Variants in DNAH6 observed in about 807,000 individuals in gnomAD.
DNAH6 encodes dynein axonemal heavy chain 6, also known as axonemal beta dynein heavy chain 6.
Under a neutral mutation model 491.4 loss-of-function variants are expected in DNAH6, and 340 were observed. The ratio of observed to expected loss-of-function variants is 0.69; its 90% confidence interval spans 0.63 to 0.76. The LOEUF is 0.76. DNAH6 is among the 30% of genes least tolerant of loss of function. The probability of loss-of-function intolerance (pLI) is 0.00; values close to 1 mark genes in which losing one functional copy is unlikely to be tolerated. For synonymous variants in DNAH6, 1,603 were observed against 1,686.1 expected (o/e 0.95, Z 1.21); for missense variants, 4,443 against 4,972.2 (o/e 0.89, Z 3.20).
At chr2:84,491,415 A>T in the DNAH6 span, among the ~76,000 whole-genome samples, 2 of 152,140 alleles carry the variant, frequency 1.3e-5, no homozygotes, top group Admixed American at 6.6e-5. Context: ...CAGGGAATGG[A>T]TCATGACTGT....
intron 42 of DNAH6, among the ~76,000 whole-genome samples, chr2:84,684,772 T>C (rs1196956498): frequency 1.3e-5 from 2 of 152,228 alleles, no homozygotes; most frequent in African/African-American, 4.8e-5. Context: ...TGTACATTGT[T>C]GCTTTGATTG....
intron 18 of DNAH6, among the ~76,000 whole-genome samples, chr2:84,598,212 G>A (rs1033380671): frequency 2.2e-5 from 1 of 44,648 alleles, no homozygotes; most frequent in Non-Finnish European, 5.8e-5. Flanking sequence ...TTCTTTCTAT[G>A]AGACAGGATC....
chr2:84,710,449 A>G, intron 56 of DNAH6, 37 bp downstream of exon 56: 1 of 1,547,494 alleles, frequency 6.5e-7, no homozygotes, highest in Non-Finnish European at 8.7e-7. Flanking sequence ...GTCAGTTCCC[A>G]ACTTTCAAAT....
At chr2:84,677,170 A>G (rs944219797) in intron 41 of DNAH6, 34 bp downstream of exon 41, 8 of 1,551,186 alleles carry the variant, frequency 5.2e-6, no homozygotes, top group Non-Finnish European at 7.0e-6. Flanking sequence ...CAACAGGAGG[A>G]AAAGAAAGCA....
chr2:84,694,571 C>A, intron 46 of DNAH6, 91 bp downstream of exon 46: 1 of 901,492 alleles, frequency 1.1e-6, no homozygotes, highest in Non-Finnish European at 1.7e-6. Context: ...GGATGAAGTT[C>A]AAGGGGATTG....
intron 11 of DNAH6, among the ~76,000 whole-genome samples, chr2:84,560,351 T>G (rs1279200891): frequency 6.6e-6 from 1 of 150,422 alleles, no homozygotes; most frequent in Non-Finnish European, 1.5e-5. Flanking sequence ...GAGGAGCATT[T>G]AAAAAAAAAC....
chr2:84,815,753 A>G (rs1680426017), intron 75 of DNAH6, 108 bp from the exon 76 acceptor site: 2 of 771,482 alleles, frequency 2.6e-6, no homozygotes, highest in Non-Finnish European at 4.2e-6. Flanking sequence ...AGCAATGTAT[A>G]GAGTGTTTTT....
At chr2:84,608,290 T>C (rs1337685140) in intron 21 of DNAH6, among the ~76,000 whole-genome samples, 1 of 152,256 alleles carries the variant, frequency 6.6e-6, no homozygotes, top group Admixed American at 6.5e-5. Flanking sequence ...CCAAATATTT[T>C]CAATGGCATC....
At chr2:84,818,218 A>G (rs548339095) in intron 76 of DNAH6, among the ~76,000 whole-genome samples, 46 of 152,288 alleles carry the variant, frequency 3.0e-4, no homozygotes, top group African/African-American at 1.1e-3. Flanking sequence ...AAGAAAGACA[A>G]TCAGACATAA....
At chr2:84,614,713 A>G (rs1307721258) in intron 22 of DNAH6, among the ~76,000 whole-genome samples, 1 of 151,642 alleles carries the variant, frequency 6.6e-6, no homozygotes, top group African/African-American at 2.4e-5. Flanking sequence ...TTTTTATTAT[A>G]GCCATTCTTG....
At chr2:84,511,653 T>C (rs1040108267), upstream of DNAH6, among the ~76,000 whole-genome samples, 4 of 152,212 alleles carry the variant, frequency 2.6e-5, no homozygotes, top group Non-Finnish European at 5.9e-5. Context: ...ATCACCTGTC[T>C]TCTGTATCGC....
At chr2:84,811,859 CAAA>C (rs34583430) in intron 72 of DNAH6, among the ~76,000 whole-genome samples, 32 of 104,946 alleles carry the variant, frequency 3.0e-4, no homozygotes, top group African/African-American at 3.9e-4. Context: ...GATTCTGTCT[CAAA>C]AAAAAAAAAA....
chr2:84,754,099 G>C (rs1028099770), intron 63 of DNAH6, among the ~76,000 whole-genome samples: 7 of 151,986 alleles, frequency 4.6e-5, no homozygotes, highest in Non-Finnish European at 8.8e-5. Context: ...TGGGATTACA[G>C]GTGTGAGCCA....
intron 30 of DNAH6, among the ~76,000 whole-genome samples, chr2:84,635,624 T>A (rs1033498153): frequency 6.6e-6 from 1 of 152,110 alleles, no homozygotes; most frequent in East Asian, 1.9e-4. Context: ...AGAGGCAGGA[T>A]TGAAGCTTTG....
intron 37 of DNAH6, among the ~76,000 whole-genome samples, chr2:84,660,767 C>A (rs149993074): frequency 6.6e-6 from 1 of 152,006 alleles, no homozygotes; most frequent in Non-Finnish European, 1.5e-5. Flanking sequence ...ATGTATAACT[C>A]GATTCTAATC....
In DNAH6 at chr2:84,575,517, G is replaced by C. The variant is rs555631757; in HGVS notation, c.1925-1740G>C. 2.0e-4 allele frequency among the ~76,000 whole-genome samples: 30 copies of C among 152,252 alleles called. 1 individual carries two copies. In the South Asian group the frequency reaches 5.2e-3, roughly 26 times the overall value. ...GAAAACAGAGATCTATAGAGATAAGGCAACCTCAGGATTAAACAGCTAGTG... is the reference window on the plus strand; with the variant it reads ...GAAAACAGAGATCTATAGAGATAAGCCAACCTCAGGATTAAACAGCTAGTG... On this transcript the variant is annotated intron_variant, in intron 12 of 76. Coordinates refer to ENST00000389394, the MANE Select transcript of DNAH6 (RefSeq NM_001370.2).
chr2:84,613,382 A>C (rs1201859324), intron 22 of DNAH6, among the ~76,000 whole-genome samples: 1 of 152,150 alleles, frequency 6.6e-6, no homozygotes, highest in Non-Finnish European at 1.5e-5. Context: ...TAGGAGGTGA[A>C]GCAAGAGAGG....
At chr2:84,732,046 C>CTGCA (rs1416281843) in intron 61 of DNAH6, among the ~76,000 whole-genome samples, 7 of 152,186 alleles carry the variant, frequency 4.6e-5, no homozygotes, top group Non-Finnish European at 7.3e-5. Context: ...ATTCCTAAGG[C>CTGCA]TGCACCCCTT....
the DNAH6 span, among the ~76,000 whole-genome samples, chr2:84,484,727 TCTC>T: frequency 2.0e-5 from 3 of 152,144 alleles, no homozygotes; most frequent in African/African-American, 7.2e-5. Context: ...TCTGATATAA[TCTC>T]CTCATCTTGA....
Sources: allele counts gnomAD v4.1 joint callset (sites outside exome capture counted in the v4.1 genomes callset), GRCh38; gene constraint gnomAD v4.1.1; transcripts MANE v1.5; gene names NCBI Gene and HGNC (gene_info 2026-07-23, HGNC 2026-07-21).